TP53BP1: variants seen among roughly 807,000 people sequenced by gnomAD.
TP53BP1 encodes the protein tumor protein p53 binding protein 1.
Under a neutral mutation model 200.8 loss-of-function variants are expected in TP53BP1, and 61 were observed. The observed-to-expected ratio is 0.30, with a 90% CI of 0.25 to 0.38. The LOEUF (loss-of-function observed/expected upper bound fraction) is 0.38, where lower values mean the gene tolerates loss of function less well. TP53BP1 is among the 10% of genes least tolerant of loss of function. The pLI, the probability that TP53BP1 is intolerant of heterozygous loss-of-function variation, is 1.00. For synonymous variants in TP53BP1, 822 were observed against 844.3 expected (o/e 0.97, Z 0.46); for missense variants, 2,144 against 2,371.9 (o/e 0.90, Z 2.00).
At chr15:43,434,098 A>G (rs1175578388) in intron 16 of TP53BP1, among the ~76,000 whole-genome samples, 1 of 152,224 alleles carries the variant, frequency 6.6e-6, no homozygotes, top group Non-Finnish European at 1.5e-5. Flanking sequence ...TTTGGTTGTT[A>G]TAGTGTGTGT....
chr15:43,424,747 G>T (rs1291043091), intron 18 of TP53BP1, among the ~76,000 whole-genome samples: 1 of 152,150 alleles, frequency 6.6e-6, no homozygotes, highest in Non-Finnish European at 1.5e-5. Flanking sequence ...TTTTAATATG[G>T]TAATATGTGA....
rs147861051 is a variant in TP53BP1 at position 43,479,465 on chromosome 15, G to A, written c.720C>T (p.Asp240=). The A allele has an allele frequency of 1.5e-5, 25 of 1,613,914 alleles. No individual in the cohort carries two copies. In the East Asian group the frequency reaches 3.1e-4, roughly 20 times the overall value. The part of the protein sequence containing the change: ...DIPIAEQSSK[D]IPVTAQPSKD... ...TACTGGGCTGTGCTGTCACAGGGAT[G>A]TCCTTGCTGGACTGTTCTGCTATGG... Residue 240 remains aspartate (D), a synonymous_variant, in exon 7 of 28, where the codon GAC becomes GAT. Coordinates refer to ENST00000382044, the MANE Select transcript of TP53BP1 (RefSeq NM_001141980.3).
At chr15:43,416,438 A>G in intron 21 of TP53BP1, 22 bp from the exon 22 acceptor site, 1 of 1,610,480 alleles carries the variant, frequency 6.2e-7, no homozygotes, top group Non-Finnish European at 8.5e-7. Flanking sequence ...AAAGCATAAA[A>G]GAAGCTTGCT....
intron 24 of TP53BP1, among the ~76,000 whole-genome samples, chr15:43,410,266 C>G (rs1311139369): frequency 6.6e-6 from 1 of 152,112 alleles, no homozygotes; most frequent in Non-Finnish European, 1.5e-5. Flanking sequence ...TTTAATAAAC[C>G]AGAATGCTCA....
intron 22 of TP53BP1, 58 bp from the exon 23 acceptor site, chr15:43,415,867 C>T: frequency 7.0e-7 from 1 of 1,429,970 alleles, no homozygotes; most frequent in Non-Finnish European, 9.7e-7. Flanking sequence ...GCCCTGAACT[C>T]CAAGAAACTG....
chr15:43,469,908 C>T lies in TP53BP1; in HGVS notation c.1339G>A (p.Val447Ile), dbSNP rs764368951. ...ASTPISQSTP[V>I]FPPGSLPIPS... is the part of the protein sequence containing the mutation. ...ATAGGAAGTGACCCAGGAGGGAAGA[C>T]TGGTGTGCTCTGAGATATTGGTGTT... The change falls in exon 11 of 28, where the codon GTC becomes ATC. Residue 447 changes from valine (V) to isoleucine (I), a missense_variant. Coordinates refer to ENST00000382044, the MANE Select transcript of TP53BP1 (RefSeq NM_001141980.3). 2 of 1,614,026 alleles carry T rather than the reference C, an allele frequency of 1.2e-6. No homozygotes were observed. The highest frequency in any genetic ancestry group is 2.2e-5 in the South Asian group (2 of 91,092).
chr15:43,474,569 G>T, intron 10 of TP53BP1, 104 bp downstream of exon 10: 1 of 715,922 alleles, frequency 1.4e-6, no homozygotes, highest in Non-Finnish European at 2.3e-6. Context: ...AATTGTGTAG[G>T]TCACAAGCAT....
intron 23 of TP53BP1, among the ~76,000 whole-genome samples, chr15:43,414,831 G>C (rs1179970244): frequency 6.6e-6 from 1 of 151,838 alleles, no homozygotes; most frequent in African/African-American, 2.4e-5. Flanking sequence ...TCAGCCTCCG[G>C]AGAAGCTGGG....
At chr15:43,492,569 G>C (rs2079141673) in intron 1 of TP53BP1, 101 bp from the exon 2 acceptor site, 1 of 922,786 alleles carries the variant, frequency 1.1e-6, no homozygotes, top group Non-Finnish European at 1.7e-6. Context: ...GCTGGGAAAC[G>C]GGACCACTTC....
intron 24 of TP53BP1, 77 bp downstream of exon 24, chr15:43,413,042 G>A: frequency 7.1e-7 from 1 of 1,409,390 alleles, no homozygotes; most frequent in East Asian, 2.3e-5. Context: ...ACAACAGGGG[G>A]ACCACCAGCT....
chr15:43,472,026 T>G (rs2046738144), intron 10 of TP53BP1, among the ~76,000 whole-genome samples: 1 of 152,192 alleles, frequency 6.6e-6, no homozygotes. Context: ...TAAATTACAT[T>G]TGAAAAACTG....
intron 24 of TP53BP1, chr15:43,412,651 C>T (rs1054419245): frequency 6.4e-6 from 3 of 471,190 alleles, no homozygotes; most frequent in African/African-American, 6.0e-5. Flanking sequence ...CAGTCTTAGA[C>T]CTCAGGAGAA....
rs763161250 is a variant in TP53BP1 at position 43,422,126 on chromosome 15, C to G, written c.3829G>C (p.Glu1277Gln). The G allele has an allele frequency of 6.2e-7, 1 of 1,610,926 alleles. No homozygotes were observed. The highest frequency in any genetic ancestry group is 8.5e-7 in the Non-Finnish European group (1 of 1,179,092). ...GTEVERKVTE[E>Q]TEEPIVECQE... ...CACTCTACAATTGGCTCTTCAGTCT[C>G]CTGCAAGGAAAAAATAGATACAGAA... is the stretch of plus-strand genomic sequence containing the variant. The change falls in exon 19 of 28, where the codon GAG (glutamate) becomes CAG (glutamine). Residue 1277 changes from glutamate to glutamine, a missense_variant and splice_region_variant. Coordinates refer to ENST00000382044, the MANE Select transcript of TP53BP1 (RefSeq NM_001141980.3).
chr15:43,477,206 AG>A (rs1318414266), intron 8 of TP53BP1, among the ~76,000 whole-genome samples: 1 of 151,794 alleles, frequency 6.6e-6, no homozygotes, highest in East Asian at 1.9e-4. Flanking sequence ...AGGCTGAGGC[AG>A]GAGAATGGCA....
chr15:43,444,622 C>T (rs1266214027), intron 14 of TP53BP1, among the ~76,000 whole-genome samples: 1 of 152,110 alleles, frequency 6.6e-6, no homozygotes, highest in Admixed American at 6.6e-5. Context: ...GTTTCCTCAT[C>T]TGTAAAAGGA....
chr15:43,451,275 C>G (rs2046161481), intron 12 of TP53BP1, among the ~76,000 whole-genome samples: 2 of 151,758 alleles, frequency 1.3e-5, no homozygotes, highest in Non-Finnish European at 2.9e-5. Context: ...TGCTGGTGTG[C>G]TGCACCCATC....
chr15:43,405,043 A>G lies in TP53BP1; in HGVS notation c.*2340T>C. 1 of 758,212 alleles carries G rather than the reference A, an allele frequency of 1.3e-6. No homozygotes were observed. Among genetic ancestry groups the G allele is most frequent in the Non-Finnish European group, 2.1e-6 (1 of 469,760 alleles). The allele number at this position is 758,212 out of a possible 1,614,324, so 47.0% of individuals were successfully genotyped here. On this transcript the variant is annotated 3_prime_UTR_variant, in exon 28 of 28. Coordinates refer to ENST00000382044, the MANE Select transcript of TP53BP1 (RefSeq NM_001141980.3). ...GTCCTTTCTCTCTAAAATGTCTGCAAGCAGATTTTTTTCTAAGCTATTGTA... is the reference window on the plus strand; with the variant it reads ...GTCCTTTCTCTCTAAAATGTCTGCAGGCAGATTTTTTTCTAAGCTATTGTA...
chr15:43,475,894 G>A (rs1032587693), intron 8 of TP53BP1, among the ~76,000 whole-genome samples, 200 bp from the exon 9 acceptor site: 2 of 152,154 alleles, frequency 1.3e-5, no homozygotes, highest in African/African-American at 2.4e-5. Context: ...AACCACCCCC[G>A]CAATGGGCTT....
rs535821216 is a variant in TP53BP1, at chr15:43,422,846, T to C, written c.3829-720A>G. Among the ~76,000 whole-genome samples, 29 of 151,764 alleles carry C rather than the reference T, an allele frequency of 1.9e-4. 1 individual carries two copies. The highest frequency in any genetic ancestry group is 6.5e-4 in the African/African-American group (27 of 41,334). On this transcript the variant is annotated intron_variant, in intron 18 of 27. Coordinates refer to ENST00000382044, the MANE Select transcript of TP53BP1 (RefSeq NM_001141980.3). ...AGGTCTCCATATGAAAATAAAACTA[T>C]TAGCCAGGCGTGGGAGTGCACACCT...
Sources: allele counts gnomAD v4.1 joint callset (sites outside exome capture counted in the v4.1 genomes callset), GRCh38; gene constraint gnomAD v4.1.1; transcripts MANE v1.5; gene names NCBI Gene and HGNC (gene_info 2026-07-23, HGNC 2026-07-21).